The following GRIN2A variants were observed in gnomAD, a reference collection of about 807,000 sequenced individuals.
GRIN2A encodes the protein glutamate ionotropic receptor NMDA type subunit 2A.
Under a neutral mutation model 113.4 loss-of-function variants are expected in GRIN2A, and 22 were observed. That is an observed-to-expected ratio of 0.19 (90% CI 0.14 to 0.28). The LOEUF is 0.28. GRIN2A is among the 10% of genes least tolerant of loss of function. The pLI, the probability that GRIN2A is intolerant of heterozygous loss-of-function variation, is 1.00. For missense variants in GRIN2A, 1,502 were observed against 1,887.0 expected (o/e 0.80, Z 3.78); for synonymous variants, 827 against 738.4 (o/e 1.12, Z -1.94).
intron 3 of GRIN2A, among the ~76,000 whole-genome samples, chr16:9,892,756 C>T (rs1372040529): frequency 6.6e-6 from 1 of 151,992 alleles, no homozygotes; most frequent in Non-Finnish European, 1.5e-5. Context: ...GATCCGCTCT[C>T]CTTGCAGCTT....
intron 11 of GRIN2A, among the ~76,000 whole-genome samples, chr16:9,774,760 T>C (rs1262627993): frequency 6.6e-6 from 1 of 152,244 alleles, no homozygotes; most frequent in Non-Finnish European, 1.5e-5. Context: ...AATTAAACGA[T>C]GTTGCATACA....
chr16:9,971,740 G>A (rs2045673332), intron 2 of GRIN2A, among the ~76,000 whole-genome samples: 1 of 152,062 alleles, frequency 6.6e-6, no homozygotes, highest in Admixed American at 6.5e-5. Context: ...CCAGAGTTCT[G>A]CTTCTGGTAT....
rs566614365 is a variant in GRIN2A, at chr16:9,850,458, A to G, written c.1123-497T>C. ...GGGAATTCAATAAAGCAATGCATGAAAGGCAAAAGCACAACATAGGTACTC... is the reference window on the plus strand; with the variant it reads ...GGGAATTCAATAAAGCAATGCATGAGAGGCAAAAGCACAACATAGGTACTC... On this transcript the variant is annotated intron_variant, in intron 4 of 12. Transcript: ENST00000330684. Among the ~76,000 whole-genome samples the G allele has an allele frequency of 2.1e-4, 32 of 152,356 alleles. No individual in the cohort carries two copies. The South Asian group carries it at 6.0e-3, about 29-fold the overall frequency.
intron 2 of GRIN2A, among the ~76,000 whole-genome samples, chr16:9,953,864 C>G (rs1017158589): frequency 2.0e-5 from 3 of 152,126 alleles, no homozygotes; most frequent in African/African-American, 7.2e-5. Context: ...GAAGCACAAC[C>G]TCAGAGTGGT....
At chr16:10,147,651 A>C (rs911797072) in intron 2 of GRIN2A, among the ~76,000 whole-genome samples, 22 of 144,380 alleles carry the variant, frequency 1.5e-4, no homozygotes, top group Non-Finnish European at 2.5e-4. Flanking sequence ...AAAAAAAAAA[A>C]AGAAGAAGAA....
At chr16:9,897,848 T>C (rs2043837171) in intron 3 of GRIN2A, among the ~76,000 whole-genome samples, 1 of 152,210 alleles carries the variant, frequency 6.6e-6, no homozygotes, top group South Asian at 2.1e-4. Context: ...GGACCTCATC[T>C]GCCTTGCTTA....
intron 3 of GRIN2A, among the ~76,000 whole-genome samples, chr16:9,905,741 A>G (rs1034714346): frequency 1.3e-5 from 2 of 152,134 alleles, no homozygotes; most frequent in African/African-American, 2.4e-5. Flanking sequence ...CCTGGCCATA[A>G]AAATATATAC....
At chr16:10,081,258 T>A (rs2047975322) in intron 2 of GRIN2A, among the ~76,000 whole-genome samples, 1 of 152,186 alleles carries the variant, frequency 6.6e-6, no homozygotes, top group African/African-American at 2.4e-5. Flanking sequence ...ATGCCCTGGA[T>A]TAAGGTGCCT....
chr16:10,097,785 A>T (rs58618915), intron 2 of GRIN2A, among the ~76,000 whole-genome samples: 15,916 of 152,170 alleles, frequency 0.1, 1,589 homozygotes, highest in African/African-American at 0.27. Flanking sequence ...CTTAAGCAAA[A>T]ATCAACTCAA....
intron 10 of GRIN2A, among the ~76,000 whole-genome samples, chr16:9,800,648 T>C (rs1903303123): frequency 6.6e-6 from 1 of 152,076 alleles, no homozygotes. Context: ...AGGACTTGTC[T>C]CATCCACAGA....
intron 11 of GRIN2A, among the ~76,000 whole-genome samples, chr16:9,778,994 A>G (rs111328947): frequency 0.025 from 3,853 of 152,342 alleles, 82 homozygotes; most frequent in African/African-American, 0.063. Flanking sequence ...GGTGCAATGA[A>G]TCAAGAGGAC....
chr16:10,162,653 T>C (rs1287125488), intron 2 of GRIN2A, among the ~76,000 whole-genome samples: 1 of 152,232 alleles, frequency 6.6e-6, no homozygotes, highest in Non-Finnish European at 1.5e-5. Context: ...AAGGCTTACC[T>C]ATATGCCCTC....
chr16:10,063,603 A>G (rs536876596), intron 2 of GRIN2A, among the ~76,000 whole-genome samples: 18 of 152,210 alleles, frequency 1.2e-4, no homozygotes, highest in Non-Finnish European at 2.5e-4. Flanking sequence ...ACTGAATCCA[A>G]TTGATTTAGT....
At chr16:9,800,698 G>A (rs1414035672) in intron 10 of GRIN2A, among the ~76,000 whole-genome samples, 1 of 152,046 alleles carries the variant, frequency 6.6e-6, no homozygotes, top group Non-Finnish European at 1.5e-5. Context: ...GGGTATCAGA[G>A]ACTTGGTTTT....
At chr16:9,796,585 G>A (rs1025089679) in intron 11 of GRIN2A, among the ~76,000 whole-genome samples, 3 of 152,226 alleles carry the variant, frequency 2.0e-5, no homozygotes, top group African/African-American at 7.2e-5. Flanking sequence ...ACGTGACCAA[G>A]CAGTGGCTTG....
chr16:10,109,630 T>C (rs1426173803), intron 2 of GRIN2A, among the ~76,000 whole-genome samples: 1 of 121,320 alleles, frequency 8.2e-6, no homozygotes, highest in Admixed American at 7.7e-5. Flanking sequence ...ATAACCAGAT[T>C]ACAAAAAAAA....
chr16:9,778,569 CTG>C (rs1901748608), intron 11 of GRIN2A, among the ~76,000 whole-genome samples: 2 of 152,218 alleles, frequency 1.3e-5, no homozygotes, highest in African/African-American at 4.8e-5. Flanking sequence ...AGATCCCGTG[CTG>C]TTTTGAGAGC....
At chr16:10,068,184 G>T (rs1431264610) in intron 2 of GRIN2A, among the ~76,000 whole-genome samples, 1 of 152,210 alleles carries the variant, frequency 6.6e-6, no homozygotes, top group East Asian at 1.9e-4. Context: ...AACATGTATT[G>T]AGTGTCTACT....
chr16:9,854,513 T>C (rs1320925339), intron 4 of GRIN2A, among the ~76,000 whole-genome samples: 2 of 152,134 alleles, frequency 1.3e-5, no homozygotes, highest in African/African-American at 4.8e-5. Context: ...GCATGGAGTA[T>C]GTATGCTCCA....
Sources: gnomAD v4.1 joint callset for allele counts (sites outside exome capture counted in the v4.1 genomes callset) on GRCh38, gnomAD v4.1.1 for gene constraint, MANE v1.5 for transcripts, NCBI Gene and HGNC (gene_info 2026-07-23, HGNC 2026-07-21) for gene names.